Variants in RGS5 observed in about 807,000 individuals in gnomAD.
The protein encoded by RGS5 is regulator of G-protein signalling 5.
A neutral mutation model predicts 18.9 loss-of-function variants in RGS5; 20 were observed. The observed-to-expected ratio is 1.06, with a 90% CI of 0.74 to 1.54. The LOEUF is 1.54. RGS5 is among the 40% of genes most tolerant of loss of function. The probability of loss-of-function intolerance (pLI) is 0.00; values close to 1 mark genes in which losing one functional copy is unlikely to be tolerated. For missense variants in RGS5, 201 were observed against 211.8 expected, an observed-to-expected ratio of 0.95 and a Z score of 0.32; for synonymous variants, 57 against 76.2, an observed-to-expected ratio of 0.75 and a Z score of 1.31.
intron 1 of RGS5, among the ~76,000 whole-genome samples, chr1:163,316,391 G>A (rs773223644): frequency 6.6e-6 from 1 of 152,134 alleles, no homozygotes; most frequent in Non-Finnish European, 1.5e-5. Context: ...TATAAAATGT[G>A]TGTTCATAAT....
chr1:163,176,920 T>C (rs887901395), intron 1 of RGS5, among the ~76,000 whole-genome samples: 1 of 152,224 alleles, frequency 6.6e-6, no homozygotes, highest in Admixed American at 6.5e-5. Flanking sequence ...ATTCAGCTAC[T>C]TGACCTAATC....
chr1:163,151,726 C>T (rs558503537), intron 4 of RGS5, among the ~76,000 whole-genome samples: 15 of 152,272 alleles, frequency 9.9e-5, no homozygotes, highest in East Asian at 1.9e-4. Context: ...CCCATCCATG[C>T]GGAACTGTGA....
chr1:163,248,245 T>C (rs1285613907), intron 2 of RGS5: 3 of 152,080 alleles, frequency 2.0e-5, no homozygotes, highest in African/African-American at 7.2e-5. Flanking sequence ...CTGGATCTCA[T>C]CCTCTATTTT....
chr1:163,179,335 TC>T (rs1244071255), intron 1 of RGS5, among the ~76,000 whole-genome samples: 1 of 152,226 alleles, frequency 6.6e-6, no homozygotes, highest in Non-Finnish European at 1.5e-5. Flanking sequence ...GGTATCTATT[TC>T]ATAAGCCTCT....
At chr1:163,283,636 C>A (rs1304181413) in intron 2 of RGS5, among the ~76,000 whole-genome samples, 1 of 152,102 alleles carries the variant, frequency 6.6e-6, no homozygotes, top group Non-Finnish European at 1.5e-5. Context: ...ATGTCACTCT[C>A]ATAATTACAT....
intron 2 of RGS5, among the ~76,000 whole-genome samples, chr1:163,283,846 ACT>A (rs1332588293): frequency 2.0e-5 from 3 of 152,016 alleles, no homozygotes; most frequent in Admixed American, 1.3e-4. Flanking sequence ...AGGAGATGAA[ACT>A]CTGTCAATAA....
chr1:163,147,620 A>C, intron 4 of RGS5, 117 bp from the exon 5 acceptor site: 3 of 926,196 alleles, frequency 3.2e-6, no homozygotes, highest in Non-Finnish European at 4.6e-6. Flanking sequence ...AAGTCATTAA[A>C]AACTGAGACA....
chr1:163,174,244 AT>A (rs1658440301), intron 1 of RGS5, among the ~76,000 whole-genome samples: 2 of 152,196 alleles, frequency 1.3e-5, no homozygotes, highest in South Asian at 4.1e-4. Flanking sequence ...TTATATCTCC[AT>A]ATGTATATGT....
chr1:163,177,079 C>A (rs1017718646), intron 1 of RGS5, among the ~76,000 whole-genome samples: 1 of 152,210 alleles, frequency 6.6e-6, no homozygotes, highest in Non-Finnish European at 1.5e-5. Context: ...TGAGTGTTTA[C>A]ACGTAGGCTT....
intron 2 of RGS5, among the ~76,000 whole-genome samples, chr1:163,245,856 T>C (rs1647915563): frequency 6.6e-6 from 1 of 152,234 alleles, no homozygotes; most frequent in African/African-American, 2.4e-5. Context: ...ATAATCTTCT[T>C]CAGATACATC....
At chr1:163,261,798 TG>T (rs1472416745) in intron 2 of RGS5, among the ~76,000 whole-genome samples, 1 of 152,138 alleles carries the variant, frequency 6.6e-6, no homozygotes, top group African/African-American at 2.4e-5. Context: ...GTAAAGAAAA[TG>T]GGAACACATG....
At chr1:163,303,744 C>A (rs950311567) in intron 2 of RGS5, among the ~76,000 whole-genome samples, 7 of 152,150 alleles carry the variant, frequency 4.6e-5, no homozygotes, top group African/African-American at 1.7e-4. Context: ...AAGTGAGTGG[C>A]GGTGAGTGAG....
chr1:163,184,875 T>C (rs1659003909), intron 1 of RGS5, among the ~76,000 whole-genome samples: 1 of 152,186 alleles, frequency 6.6e-6, no homozygotes, highest in Admixed American at 6.5e-5. Flanking sequence ...TGTATGAGAA[T>C]GGATTCATGT....
chr1:163,142,360 G>T lies in RGS5; in HGVS notation c.*4982C>A, dbSNP rs995883120. ...TGATTGTGGTTACAGATACATATTT[G>T]GTGCTTTATTTATCCAGAAGCATGA... is the stretch of plus-strand genomic sequence containing the variant. On this transcript the variant is annotated 3_prime_UTR_variant, in exon 5 of 5. Coordinates refer to ENST00000313961, the MANE Select transcript of RGS5 (RefSeq NM_003617.4). The T allele has an allele frequency of 6.6e-6, 1 of 152,004 alleles. No homozygotes were observed. The highest frequency in any genetic ancestry group is 1.5e-5 in the Non-Finnish European group (1 of 67,996). 9.4% of individuals were successfully genotyped at this position (152,004 alleles called of 1,614,324 possible).
At chr1:163,149,371 T>C (rs1310283191) in intron 4 of RGS5, among the ~76,000 whole-genome samples, 1 of 152,220 alleles carries the variant, frequency 6.6e-6, no homozygotes, top group Non-Finnish European at 1.5e-5. Context: ...ATATCTGTAC[T>C]GAGCTTGGTA....
intron 1 of RGS5, among the ~76,000 whole-genome samples, chr1:163,320,766 A>G (rs1024141091): frequency 6.6e-6 from 1 of 152,216 alleles, no homozygotes; most frequent in African/African-American, 2.4e-5. Context: ...GCCCTGAACT[A>G]ATGATATGAA....
chr1:163,252,061 G>A (rs1428523880), intron 2 of RGS5, among the ~76,000 whole-genome samples: 1 of 152,050 alleles, frequency 6.6e-6, no homozygotes, highest in Non-Finnish European at 1.5e-5. Flanking sequence ...TATATATTTA[G>A]TTTACTAAGT....
At chr1:163,236,012 A>G (rs1450906398) in intron 2 of RGS5, among the ~76,000 whole-genome samples, 1 of 152,196 alleles carries the variant, frequency 6.6e-6, no homozygotes. Context: ...CCTTGATTTG[A>G]TCTAGATTCT....
At position 163,230,254 on chromosome 1, in the gene RGS5, T is replaced by G. The variant is rs185540330; in HGVS notation, c.-280-61886A>C. On this transcript the variant is annotated intron_variant, in intron 2 of 5. Coordinates refer to the RGS5 transcript ENST00000618415. ...GAGATCTTTGTACTTCATATTAACA[T>G]AACCATAATTTCCCTCTTTACCTCA... 1.2e-3 allele frequency among the ~76,000 whole-genome samples: 181 copies of G among 152,314 alleles called. 1 individual carries two copies. The highest frequency in any genetic ancestry group is 4.3e-3 in the African/African-American group (180 of 41,574).
Sources: gnomAD v4.1 joint callset for allele counts (sites outside exome capture counted in the v4.1 genomes callset) on GRCh38, gnomAD v4.1.1 for gene constraint, MANE v1.5 for transcripts, NCBI Gene and HGNC (gene_info 2026-07-23, HGNC 2026-07-21) for gene names.